GRID1: variants seen among roughly 807,000 people sequenced by gnomAD.
The protein encoded by GRID1 is glutamate ionotropic receptor delta type subunit 1.
In GRID1, 28 loss-of-function variants were observed where a neutral mutation model predicts 98.0. The ratio of observed to expected loss-of-function variants is 0.29; its 90% CI spans 0.21 to 0.39. The LOEUF is 0.39. GRID1 is among the 10% of genes least tolerant of loss of function. The pLI, the probability that GRID1 is intolerant of heterozygous loss-of-function variation, is 1.00. For synonymous variants in GRID1, 553 were observed against 538.5 expected (o/e 1.03, Z -0.37); for missense variants, 1,111 against 1,340.5 (o/e 0.83, Z 2.67).
chr10:86,099,420 C>A (rs1196622297), intron 4 of GRID1, among the ~76,000 whole-genome samples: 1 of 152,080 alleles, frequency 6.6e-6, no homozygotes, highest in Non-Finnish European at 1.5e-5. Context: ...ACGAACACAC[C>A]ACTACAAGAA....
intron 4 of GRID1, among the ~76,000 whole-genome samples, chr10:85,978,130 C>T (rs967206003): frequency 3.3e-5 from 5 of 152,192 alleles, no homozygotes; most frequent in Non-Finnish European, 7.3e-5. Flanking sequence ...CAAGTGGTCC[C>T]GCAGTGGACA....
intron 12 of GRID1, among the ~76,000 whole-genome samples, chr10:85,718,507 T>C (rs945288046): frequency 1.3e-5 from 2 of 152,264 alleles, no homozygotes; most frequent in Non-Finnish European, 2.9e-5. Flanking sequence ...TTCTGAAATC[T>C]AGGCAGAGGT....
Position 85,940,083 on chromosome 10 carries a change from AAAAAAGAG to A in GRID1, c.727-23852_727-23845del, listed in dbSNP as rs1363047977. Among the ~76,000 whole-genome samples the A allele has an allele frequency of 3.3e-5, 5 of 151,758 alleles. No individual in the cohort carries two copies. The South Asian group carries it at 1.0e-3, about 32-fold the overall frequency. On this transcript the variant is annotated intron_variant, in intron 4 of 15. Transcript: ENST00000327946. ...CTCCCTCTCAAAAAAAAAAAAAAAA[AAAAAAGAG>A]AGAGAGAGAGACAGCTGTGGGCAGG...
intron 12 of GRID1, among the ~76,000 whole-genome samples, chr10:85,662,450 C>T (rs924025600): frequency 1.3e-5 from 2 of 152,142 alleles, no homozygotes; most frequent in African/African-American, 4.8e-5. Context: ...TGAAAGGAGC[C>T]GCTGGGCCAG....
At chr10:86,279,347 T>A (rs1005298054) in intron 2 of GRID1, among the ~76,000 whole-genome samples, 1 of 152,236 alleles carries the variant, frequency 6.6e-6, no homozygotes, top group Admixed American at 6.5e-5. Flanking sequence ...TAAACGAAGA[T>A]AACCTGCCAA....
At chr10:86,043,073 A>G (rs1382127508) in intron 4 of GRID1, among the ~76,000 whole-genome samples, 3 of 152,148 alleles carry the variant, frequency 2.0e-5, no homozygotes, top group Admixed American at 1.3e-4. Flanking sequence ...TGGGTGACAG[A>G]GCAAGACTGA....
chr10:85,857,478 C>T lies in GRID1; in HGVS notation c.952-1288G>A, dbSNP rs111265339. On this transcript the variant is annotated intron_variant, in intron 6 of 15. Coordinates refer to ENST00000327946, the MANE Select transcript of GRID1 (RefSeq NM_017551.3). ...GGAGCCCAATGGGGGAGAAGGACAG[C>T]TCTGTTCTCGGATGTCACCTTCACA... Among the ~76,000 whole-genome samples the T allele has an allele frequency of 5.4e-3, 823 of 152,202 alleles. 6 individuals carry two copies. Among genetic ancestry groups the T allele is most frequent in the African/African-American group, 0.019 (777 of 41,528 alleles).
At chr10:85,985,873 G>C (rs936206810) in intron 4 of GRID1, among the ~76,000 whole-genome samples, 1 of 152,188 alleles carries the variant, frequency 6.6e-6, no homozygotes, top group Non-Finnish European at 1.5e-5. Context: ...CCAAAGTCAA[G>C]TTAGAGATGC....
At chr10:85,722,501 T>C (rs1164642539) in intron 12 of GRID1, among the ~76,000 whole-genome samples, 1 of 152,194 alleles carries the variant, frequency 6.6e-6, no homozygotes, top group Admixed American at 6.5e-5. Context: ...TAACATTTTG[T>C]AAACATGAAG....
chr10:86,346,907 G>A (rs1848391926), intron 2 of GRID1, among the ~76,000 whole-genome samples: 2 of 152,184 alleles, frequency 1.3e-5, no homozygotes, highest in South Asian at 4.1e-4. Context: ...GGCTGGGGAA[G>A]ACTGAAACCA....
At chr10:86,263,296 G>C (rs1025317337) in intron 2 of GRID1, among the ~76,000 whole-genome samples, 4 of 152,222 alleles carry the variant, frequency 2.6e-5, no homozygotes, top group African/African-American at 9.6e-5. Flanking sequence ...TTCCCTTCGC[G>C]CCACGGCGCG....
chr10:85,761,074 A>C (rs1842142905), intron 8 of GRID1, among the ~76,000 whole-genome samples: 1 of 152,194 alleles, frequency 6.6e-6, no homozygotes, highest in Non-Finnish European at 1.5e-5. Flanking sequence ...AAAAACAAAA[A>C]GGCTCTGAGC....
In GRID1 at chr10:86,234,622, C is replaced by A. The variant is rs1035505519; in HGVS notation, c.236-27974G>T. Among the ~76,000 whole-genome samples, 15 of 152,200 alleles carry A rather than the reference C, an allele frequency of 9.9e-5. No homozygotes were observed. The East Asian group carries it at 2.5e-3, about 25-fold the overall frequency. On this transcript the variant is annotated intron_variant, in intron 2 of 15. Coordinates refer to ENST00000327946, the MANE Select transcript of GRID1 (RefSeq NM_017551.3). ...AAAAGCAAGCCATGGCCCAAGCCCC[C>A]CCAGGTTGGTGTTGCGGTGTAAATC...
chr10:85,622,687 A>G (rs1842871380), intron 13 of GRID1, among the ~76,000 whole-genome samples: 1 of 152,222 alleles, frequency 6.6e-6, no homozygotes, highest in African/African-American at 2.4e-5. Flanking sequence ...GAGCTTTCTC[A>G]TCATGGCATG....
At chr10:85,696,665 T>C (rs1031158419) in intron 12 of GRID1, among the ~76,000 whole-genome samples, 1 of 152,068 alleles carries the variant, frequency 6.6e-6, no homozygotes, top group African/African-American at 2.4e-5. Context: ...TATATTCTAA[T>C]TTTTTCTTTC....
rs117800745 is a variant in GRID1, at chr10:85,927,360, G to A, written c.727-11121C>T. 2.0e-3 allele frequency among the ~76,000 whole-genome samples: 311 copies of A among 152,314 alleles called. 3 individuals carry two copies. The East Asian group carries it at 0.035, about 17-fold the overall frequency. On this transcript the variant is annotated intron_variant, in intron 4 of 15. Transcript: ENST00000327946. ...CCCGAGGTGGGAGGATCAGTGGCATGAGGCATGAGTTATTACCTGAAACAC... is the reference window on the plus strand; with the variant it reads ...CCCGAGGTGGGAGGATCAGTGGCATAAGGCATGAGTTATTACCTGAAACAC...
intron 4 of GRID1, among the ~76,000 whole-genome samples, chr10:86,120,989 C>T (rs1844656249): frequency 6.6e-6 from 1 of 152,116 alleles, no homozygotes; most frequent in Non-Finnish European, 1.5e-5. Context: ...ACACTTGGCC[C>T]TGTGAGTTTC....
chr10:85,716,108 T>C (rs1474837759), intron 12 of GRID1, among the ~76,000 whole-genome samples: 1 of 152,138 alleles, frequency 6.6e-6, no homozygotes, highest in Non-Finnish European at 1.5e-5. Context: ...GGTTTCACCA[T>C]GTTTGCCAGG....
chr10:85,645,742 T>C (rs1210131956), intron 13 of GRID1: 1 of 152,218 alleles, frequency 6.6e-6, no homozygotes, highest in African/African-American at 2.4e-5. Context: ...TGCTGTTCAA[T>C]GTGGCTAAAT....
Sources: allele counts gnomAD v4.1 joint callset (sites outside exome capture counted in the v4.1 genomes callset), GRCh38; gene constraint gnomAD v4.1.1; transcripts MANE v1.5; gene names NCBI Gene and HGNC (gene_info 2026-07-23, HGNC 2026-07-21).